Variants in IPO5 observed in about 807,000 individuals in gnomAD.
The protein encoded by IPO5 is importin 5.
IPO5 carries 18 observed loss-of-function variants against 143.3 expected under a neutral mutation model. That is an observed-to-expected ratio of 0.13 (90% confidence interval 0.09 to 0.19). IPO5 has a LOEUF of 0.19. IPO5 is among the 10% of genes least tolerant of loss of function. The pLI is 1.00. For synonymous variants in IPO5, 477 were observed against 465.7 expected, an observed-to-expected ratio of 1.02 and a Z score of -0.31; for missense variants, 1,013 against 1,336.9, an observed-to-expected ratio of 0.76 and a Z score of 3.78.
intron 25 of IPO5, among the ~76,000 whole-genome samples, chr13:98,017,567 G>A (rs1266267191): frequency 6.6e-6 from 1 of 151,910 alleles, no homozygotes; most frequent in Admixed American, 6.6e-5. Flanking sequence ...CAAAGTGCTG[G>A]GATTACAGGC....
chr13:97,987,269 G>A (rs527942946), intron 6 of IPO5: 2 of 148,530 alleles, frequency 1.3e-5, no homozygotes, highest in South Asian at 2.1e-4. Context: ...TTTTTTTTTA[G>A]ACAGGGATTT....
At chr13:98,018,433 C>T (rs1428147748) in intron 25 of IPO5, 52 bp from the exon 26 acceptor site, 3 of 1,281,206 alleles carry the variant, frequency 2.3e-6, no homozygotes, top group South Asian at 2.6e-5. Flanking sequence ...TATTTCTTTA[C>T]ATTCTTTGTG....
intron 2 of IPO5, among the ~76,000 whole-genome samples, chr13:97,962,764 A>G (rs1280638230): frequency 6.6e-6 from 1 of 151,912 alleles, no homozygotes; most frequent in Non-Finnish European, 1.5e-5. Flanking sequence ...GGTTGCAGTG[A>G]GCCAAGATTG....
In IPO5 at chr13:98,008,145, A is replaced by G; in HGVS notation, c.1800+3A>G. The stretch of plus-strand genomic sequence containing the variant: ...ATATGGAAGATGATGATCCTCAGGT[A>G]AGTGGTCTTAATGCATTTGCTTTGA... On this transcript the variant is annotated splice_donor_region_variant and intron_variant, in intron 18 of 28. Coordinates refer to ENST00000651721, the MANE Select transcript of IPO5 (RefSeq NM_002271.6). 6.3e-7 allele frequency: 1 copy of G among 1,580,122 alleles called. No individual in the cohort carries two copies. Among genetic ancestry groups the G allele is most frequent in the Non-Finnish European group, 8.7e-7 (1 of 1,149,148 alleles).
intron 3 of IPO5, among the ~76,000 whole-genome samples, chr13:97,970,647 G>T (rs1348757475): frequency 6.6e-6 from 1 of 151,946 alleles, no homozygotes; most frequent in African/African-American, 2.4e-5. Flanking sequence ...GCATACCTCA[G>T]TTCAAACACG....
chr13:98,006,424 G>C (rs758808039), intron 17 of IPO5, 76 bp downstream of exon 17: 114 of 894,932 alleles, frequency 1.3e-4, no homozygotes, highest in Non-Finnish European at 1.8e-4. Flanking sequence ...ACCCAGGCTG[G>C]AGTGCAGTGG....
rs754483048 is a variant in IPO5, at chr13:97,985,450, A to G, written c.201A>G (p.Arg67=). 6.2e-7 allele frequency: 1 copy of G among 1,613,980 alleles called. No individual in the cohort carries two copies. Among genetic ancestry groups the G allele is most frequent in the Non-Finnish European group, 8.5e-7 (1 of 1,180,018 alleles). ...GACAAATGGCCGCCGTTCTCCTAAG[A>G]CGTCTCTTGTCCTCTGCATTTGATG... is the stretch of plus-strand genomic sequence containing the variant. The part of the protein sequence containing the change: ...EARQMAAVLL[R]RLLSSAFDEV... The change falls in exon 6 of 29, where the codon AGA becomes AGG. Residue 67 remains arginine (R), a synonymous_variant. Transcript: ENST00000651721.
intron 11 of IPO5, among the ~76,000 whole-genome samples, chr13:97,995,656 C>T (rs576143298): frequency 4.6e-5 from 7 of 151,674 alleles, no homozygotes; most frequent in Non-Finnish European, 1.0e-4. Context: ...CTCGGGAGGC[C>T]GAGGCAGGAG....
At chr13:97,986,516 C>T (rs1281520480) in intron 6 of IPO5, among the ~76,000 whole-genome samples, 1 of 152,022 alleles carries the variant, frequency 6.6e-6, no homozygotes, top group East Asian at 1.9e-4. Context: ...CCACCACACC[C>T]AGCTAATTTT....
At chr13:98,016,679 A>G (rs1890140005) in intron 24 of IPO5, 50 bp from the exon 25 acceptor site, 1 of 1,006,026 alleles carries the variant, frequency 9.9e-7, no homozygotes, top group South Asian at 2.2e-5. Flanking sequence ...TTGATAATAG[A>G]AAATATACTT....
At chr13:97,970,054 TA>T (rs1885691219) in intron 3 of IPO5, 2 of 454,896 alleles carry the variant, frequency 4.4e-6, no homozygotes, top group Non-Finnish European at 7.7e-6. Flanking sequence ...TATGTGTAGC[TA>T]GTTGGCTATT....
intron 2 of IPO5, among the ~76,000 whole-genome samples, chr13:97,961,419 C>T (rs141629171): frequency 6.6e-6 from 1 of 152,300 alleles, no homozygotes; most frequent in Non-Finnish European, 1.5e-5. Flanking sequence ...GCAACCTCTG[C>T]CTCCCAGGTT....
In IPO5 at chr13:98,013,476, G is replaced by A. The variant is rs550454824; in HGVS notation, c.2153-566G>A. 2.6e-5 allele frequency among the ~76,000 whole-genome samples: 4 copies of A among 152,124 alleles called. No individual in the cohort carries two copies. The South Asian group carries it at 6.2e-4, about 24-fold the overall frequency. On this transcript the variant is annotated intron_variant, in intron 21 of 28. Transcript: ENST00000651721. ...GCCCGTTTGTCATCATTCCTTTTAC[G>A]GTATCCTATAGTGGTATCCTTTACA...
rs776493903 is a variant in IPO5, at chr13:97,990,556, A to G, written c.669+19A>G. ...CCTACAGGTATGAAAGCAATATAGA[A>G]TAAATCATAATTATATCTTATTTGG... On this transcript the variant is annotated intron_variant, in intron 9 of 28. Coordinates refer to ENST00000651721, the MANE Select transcript of IPO5 (RefSeq NM_002271.6). 2 of 1,318,508 alleles carry G rather than the reference A, an allele frequency of 1.5e-6. No homozygotes were observed. The highest frequency in any genetic ancestry group is 1.1e-6 in the Non-Finnish European group (1 of 943,618). 81.7% of individuals were successfully genotyped at this position (1,318,508 alleles called of 1,614,324 possible).
At chr13:98,001,043 G>A in intron 13 of IPO5, 1 of 201,796 alleles carries the variant, frequency 5.0e-6, no homozygotes, top group Non-Finnish European at 1.0e-5. Flanking sequence ...GCCCTGGAGG[G>A]CAGCTGTTGT....
chr13:97,979,219 A>G (rs1289622489), intron 4 of IPO5, among the ~76,000 whole-genome samples: 1 of 152,208 alleles, frequency 6.6e-6, no homozygotes, highest in Non-Finnish European at 1.5e-5. Flanking sequence ...GGCTCAGTAA[A>G]TATCTTTGTA....
Position 98,000,645 on chromosome 13 carries a change from C to T in IPO5, c.1108C>T (p.Pro370Ser), listed in dbSNP as rs1372225798. The T allele has an allele frequency of 3.1e-6, 5 of 1,605,596 alleles. No individual in the cohort carries two copies. The highest frequency in any genetic ancestry group is 1.7e-5 in the Admixed American group (1 of 59,994). ...ACACATTATGCAAATGCTTCAAAAT[C>T]GTAAGCTGTGTCCTTCAAATGCTAG... is the stretch of plus-strand genomic sequence containing the variant. ...KEHIMQMLQNPDWKYRHAGLM... is the reference protein window; with the variant it reads ...KEHIMQMLQNSDWKYRHAGLM... Residue 370 changes from proline to serine, a missense_variant and splice_region_variant, in exon 13 of 29, where the codon CCT (proline) becomes TCT (serine). Pro to Ser is a moderately conservative substitution (Grantham distance 74). Around this residue, in one of 2 missense-constraint regions of IPO5, gnomAD observed 685 missense variants for 994.9 expected, o/e 0.69. Coordinates refer to ENST00000651721, the MANE Select transcript of IPO5 (RefSeq NM_002271.6).
chr13:97,984,337 G>T (rs1174185782), intron 5 of IPO5, among the ~76,000 whole-genome samples: 1 of 152,130 alleles, frequency 6.6e-6, no homozygotes, highest in Non-Finnish European at 1.5e-5. Flanking sequence ...ATTAGTGCAA[G>T]TTAGTAAACA....
chr13:97,967,794 G>A (rs933832938), intron 2 of IPO5, among the ~76,000 whole-genome samples: 3 of 152,034 alleles, frequency 2.0e-5, no homozygotes, highest in South Asian at 2.1e-4. Flanking sequence ...ACCACGCCCG[G>A]CTAATTTTTT....
Sources: gnomAD v4.1 joint callset for allele counts (sites outside exome capture counted in the v4.1 genomes callset) on GRCh38, gnomAD v4.1.1 for gene constraint, gnomAD v4.1.1 regional missense constraint, MANE v1.5 for transcripts, NCBI Gene and HGNC (gene_info 2026-07-23, HGNC 2026-07-21) for gene names.